LRRC61: variants seen among roughly 807,000 people sequenced by gnomAD.
LRRC61 encodes leucine-rich repeat-containing protein 61.
LRRC61 carries 9 observed loss-of-function variants against 15.1 expected under a neutral mutation model. That is an observed-to-expected ratio of 0.60 (90% CI 0.36 to 1.04). LRRC61 has a LOEUF of 1.04. Ranked by LOEUF, LRRC61 falls within the 50% of genes least tolerant of loss-of-function variation. The pLI is 0.01. For missense variants in LRRC61, 344 were observed against 335.6 expected, an observed-to-expected ratio of 1.03 and a Z score of -0.20; for synonymous variants, 173 against 158.6, an observed-to-expected ratio of 1.09 and a Z score of -0.68.
the LRRC61 span, among the ~76,000 whole-genome samples, chr7:150,311,272 T>C: frequency 1.3e-5 from 2 of 152,212 alleles, no homozygotes; most frequent in African/African-American, 4.8e-5. Flanking sequence ...GGCTGTGCTG[T>C]TGGAGTGCTC....
In LRRC61 at chr7:150,337,744, C is replaced by A; in HGVS notation, c.*103C>A. The A allele has an allele frequency of 8.3e-7, 1 of 1,210,036 alleles. No homozygotes were observed. The highest frequency in any genetic ancestry group is 1.1e-6 in the Non-Finnish European group (1 of 878,344). The allele number at this position is 1,210,036 out of a possible 1,614,324, so 75.0% of individuals were successfully genotyped here. ...TAGTTGCTTCACACTGGTCACTGGC[C>A]CTGCACACTGGGCTATTGCTTTATC... On this transcript the variant is annotated 3_prime_UTR_variant, in exon 3 of 3. Transcript: ENST00000359623.
In LRRC61 at chr7:150,337,287, C is replaced by T. The variant is rs779289236; in HGVS notation, c.426C>T (p.Ala142=). The T allele has an allele frequency of 2.5e-6, 4 of 1,603,658 alleles. No homozygotes were observed. The highest frequency in any genetic ancestry group is 1.3e-5 in the African/African-American group (1 of 74,924). The part of the protein sequence containing the change: ...PLARLSNPLC[A]NPSYWAAVRE... ...CCCGGCTCAGCAACCCGCTCTGTGCCAACCCCTCCTACTGGGCTGCAGTCC... is the reference window on the plus strand; with the variant it reads ...CCCGGCTCAGCAACCCGCTCTGTGCTAACCCCTCCTACTGGGCTGCAGTCC... The change falls in exon 3 of 3, where the codon GCC becomes GCT. Residue 142 remains alanine, a synonymous_variant. Coordinates refer to ENST00000359623, the MANE Select transcript of LRRC61 (RefSeq NM_001142928.2).
chr7:150,310,032 C>T, the LRRC61 span, among the ~76,000 whole-genome samples: 1 of 152,154 alleles, frequency 6.6e-6, no homozygotes, highest in Non-Finnish European at 1.5e-5. Context: ...TCTTAAAATT[C>T]CCCCACTCTG....
rs1239759553 is a variant in LRRC61 at position 150,329,575 on chromosome 7, G to A, written c.-145+3565G>A. Among the ~76,000 whole-genome samples, 2 of 152,250 alleles carry A rather than the reference G, an allele frequency of 1.3e-5. 1 individual carries two copies. The highest frequency in any genetic ancestry group is 1.3e-4 in the Admixed American group (2 of 15,288). On this transcript the variant is annotated intron_variant, in intron 2 of 2. Coordinates refer to ENST00000359623, the MANE Select transcript of LRRC61 (RefSeq NM_001142928.2). ...AGAGTGGGCTGTGAGGAAACAAGAT[G>A]TGAGTAAAGCCTGGCCTGCCCATGA...
chr7:150,325,647 T>G (rs1797944003), intron 1 of LRRC61, among the ~76,000 whole-genome samples, 194 bp from the exon 2 acceptor site: 1 of 152,200 alleles, frequency 6.6e-6, no homozygotes, highest in Non-Finnish European at 1.5e-5. Flanking sequence ...TTTTGTATTT[T>G]TTTTGTAAAG....
At chr7:150,313,492 C>G in the LRRC61 span, among the ~76,000 whole-genome samples, 1 of 152,218 alleles carries the variant, frequency 6.6e-6, no homozygotes, top group South Asian at 2.1e-4. Flanking sequence ...CTCCAGGTAG[C>G]AGGCTTCACA....
chr7:150,316,318 G>A, the LRRC61 span, among the ~76,000 whole-genome samples: 1 of 152,128 alleles, frequency 6.6e-6, no homozygotes, highest in Non-Finnish European at 1.5e-5. Flanking sequence ...TAATCTGGCT[G>A]TCAATACATT....
At position 150,331,878 on chromosome 7, in the gene LRRC61, C is replaced by A. The variant is rs956407953; in HGVS notation, c.-144-4840C>A. 1.8e-5 allele frequency: 3 copies of A among 167,106 alleles called. No homozygotes were observed. In the Admixed American group the frequency reaches 2.0e-4, roughly 11 times the overall value. The allele number at this position is 167,106 out of a possible 1,614,324, so 10.4% of individuals were successfully genotyped here. On this transcript the variant is annotated intron_variant, in intron 2 of 2. Transcript: ENST00000359623. ...ATTTCCAGAGGGAAGTACACACATA[C>A]CCCCACACACCAGTCTTTTTGGGGG... is the stretch of plus-strand genomic sequence containing the variant.
chr7:150,317,260 G>A, the LRRC61 span, among the ~76,000 whole-genome samples: 1 of 152,090 alleles, frequency 6.6e-6, no homozygotes, highest in Non-Finnish European at 1.5e-5. Flanking sequence ...ATGTTGGCCA[G>A]GCTGGTCTCG....
In LRRC61 at chr7:150,337,534, G is replaced by A. The variant is rs1563230556; in HGVS notation, c.673G>A (p.Asp225Asn). Residue 225 changes from aspartate to asparagine, a missense_variant, in exon 3 of 3, where the codon GAC becomes AAC. Physicochemically the swap from Asp to Asn is conservative, Grantham distance 23 (BLOSUM62 1). Transcript: ENST00000359623. The stretch of plus-strand genomic sequence containing the variant: ...GGAGGAGGCCTGCCGGCAGTTCCAG[G>A]ACACACTGCAGGAGTGCTGGGACCT... Reference protein sequence around the residue: ...ILEEACRQFQDTLQECWDLDR... With the variant: ...ILEEACRQFQNTLQECWDLDR... 1.0e-5 allele frequency: 16 copies of A among 1,604,952 alleles called. No homozygotes were observed. Among genetic ancestry groups the A allele is most frequent in the East Asian group, 2.2e-5 (1 of 44,830 alleles).
rs1798091912 is a variant in LRRC61, at chr7:150,331,000, A to G, written c.-145+4990A>G. The G allele has an allele frequency of 1.2e-6, 2 of 1,611,910 alleles. No individual in the cohort carries two copies. The highest frequency in any genetic ancestry group is 1.3e-5 in the African/African-American group (1 of 75,002). The stretch of plus-strand genomic sequence containing the variant: ...TGGGCCAGCATCATTGTCAAGAAGT[A>G]TCTGTGGGAGAATGAGACCGTTGGA... On this transcript the variant is annotated intron_variant, in intron 2 of 2. Coordinates refer to ENST00000359623, the MANE Select transcript of LRRC61 (RefSeq NM_001142928.2). This position sits in a 1 kb window ranked among gnomAD's most constrained non-coding sequence, Gnocchi z 4.6.
the LRRC61 span, among the ~76,000 whole-genome samples, chr7:150,311,240 C>T: frequency 1.3e-5 from 2 of 152,196 alleles, no homozygotes; most frequent in South Asian, 2.1e-4. Flanking sequence ...AACCTTTTTC[C>T]GTCCACACAG....
upstream of LRRC61, among the ~76,000 whole-genome samples, chr7:150,318,674 A>G (rs779807073): frequency 3.9e-5 from 6 of 152,200 alleles, no homozygotes; most frequent in Non-Finnish European, 5.9e-5. Context: ...AGGCAGAAGA[A>G]TCGCTTGAAC....
chr7:150,312,874 G>A, the LRRC61 span, among the ~76,000 whole-genome samples: 1 of 152,144 alleles, frequency 6.6e-6, no homozygotes, highest in Non-Finnish European at 1.5e-5. Flanking sequence ...GCACATATAT[G>A]TCCAGATGGC....
upstream of LRRC61, among the ~76,000 whole-genome samples, chr7:150,319,205 CTTT>C (rs199647156): frequency 1.3e-4 from 18 of 140,704 alleles, no homozygotes; most frequent in Admixed American, 2.8e-4. Context: ...ATTGCTTCTT[CTTT>C]TTTTTTTTTT....
chr7:150,331,263 T>C, intron 2 of LRRC61: 1 of 785,434 alleles, frequency 1.3e-6, no homozygotes, highest in Non-Finnish European at 2.0e-6. Context: ...GCTCTAGTGG[T>C]GACCTGGCCA....
chr7:150,326,394 T>TG (rs1797964509), intron 2 of LRRC61, among the ~76,000 whole-genome samples: 1 of 152,136 alleles, frequency 6.6e-6, no homozygotes, highest in African/African-American at 2.4e-5. Context: ...ATGAAGATTT[T>TG]GGGGTGTGCT....
In LRRC61 at chr7:150,323,360, C is replaced by T; in HGVS notation, c.-515C>T. On this transcript the variant is annotated 5_prime_UTR_variant, in exon 1 of 3. Coordinates refer to ENST00000359623, the MANE Select transcript of LRRC61 (RefSeq NM_001142928.2). ...GCCCCCTGGGCGCGTTCCGGGAGCT[C>T]AGGCCTGCGGCGCTGGGAGAAGCAC... 3.5e-6 allele frequency: 1 copy of T among 283,936 alleles called. No homozygotes were observed. Among genetic ancestry groups the T allele is most frequent in the Non-Finnish European group, 6.9e-6 (1 of 145,736 alleles). 17.6% of individuals were successfully genotyped at this position (283,936 alleles called of 1,614,324 possible). A position where few individuals can be genotyped will look rare whatever the true frequency, so the allele number is the denominator to read the frequency against.
In LRRC61 at chr7:150,337,701, C is replaced by G; in HGVS notation, c.*60C>G. 1 of 1,481,262 alleles carries G rather than the reference C, an allele frequency of 6.8e-7. No homozygotes were observed. The highest frequency in any genetic ancestry group is 9.0e-7 in the Non-Finnish European group (1 of 1,109,192). 91.8% of individuals were successfully genotyped at this position (1,481,262 alleles called of 1,614,324 possible). On this transcript the variant is annotated 3_prime_UTR_variant, in exon 3 of 3. Coordinates refer to ENST00000359623, the MANE Select transcript of LRRC61 (RefSeq NM_001142928.2). ...GCCTCGCTGCCCCCAGTTCCCCTCTCTGCCCCCACACTCGTCTTAGTTGCT... is the reference window on the plus strand; with the variant it reads ...GCCTCGCTGCCCCCAGTTCCCCTCTGTGCCCCCACACTCGTCTTAGTTGCT...
Sources: gnomAD v4.1 joint callset for allele counts (sites outside exome capture counted in the v4.1 genomes callset) on GRCh38, gnomAD v4.1.1 for gene constraint, Gnocchi (gnomAD v3.1) non-coding constraint, MANE v1.5 for transcripts, NCBI Gene and HGNC (gene_info 2026-07-23, HGNC 2026-07-21) for gene names.